Variants in SLC2A13 observed in about 807,000 individuals in gnomAD.
SLC2A13 encodes the protein solute carrier family 2 member 13.
A neutral mutation model predicts 64.4 loss-of-function variants in SLC2A13; 32 were observed. That is an observed-to-expected ratio of 0.50 (90% CI 0.37 to 0.67). The LOEUF is 0.67. Ranked by LOEUF, SLC2A13 falls within the 30% of genes least tolerant of loss-of-function variation. The pLI is 0.00. For synonymous variants in SLC2A13, 338 were observed against 327.1 expected, an observed-to-expected ratio of 1.03 and a Z score of -0.36; for missense variants, 743 against 829.2, an observed-to-expected ratio of 0.90 and a Z score of 1.28.
chr12:39,840,717 ATAT>A (rs778485917), intron 6 of SLC2A13, among the ~76,000 whole-genome samples: 15 of 151,996 alleles, frequency 9.9e-5, no homozygotes, highest in Non-Finnish European at 1.9e-4. Flanking sequence ...CAAAACGCTC[ATAT>A]TATTATCATG....
intron 4 of SLC2A13, among the ~76,000 whole-genome samples, chr12:39,909,988 T>C (rs919379577): frequency 8.6e-5 from 13 of 151,924 alleles, no homozygotes; most frequent in African/African-American, 3.1e-4. Flanking sequence ...AAATCATAGA[T>C]ATCTTTTTTA....
At chr12:40,033,990 C>T (rs1241368879) in intron 2 of SLC2A13, among the ~76,000 whole-genome samples, 1 of 152,096 alleles carries the variant, frequency 6.6e-6, no homozygotes, top group African/African-American at 2.4e-5. Context: ...TTCCCTTCTC[C>T]CCTATGTTCC....
intron 1 of SLC2A13, among the ~76,000 whole-genome samples, chr12:40,067,364 G>A (rs992214272): frequency 6.6e-6 from 1 of 152,034 alleles, no homozygotes; most frequent in East Asian, 1.9e-4. Context: ...ACCACGCCTG[G>A]CTAATTTTTT....
intron 1 of SLC2A13, among the ~76,000 whole-genome samples, chr12:40,101,767 CT>C (rs1202583425): frequency 1.3e-5 from 2 of 152,132 alleles, no homozygotes; most frequent in East Asian, 1.9e-4. Context: ...TTTACACCAG[CT>C]ATTAACTCCA....
At chr12:40,078,889 A>G (rs952714772) in intron 1 of SLC2A13, among the ~76,000 whole-genome samples, 1 of 151,818 alleles carries the variant, frequency 6.6e-6, no homozygotes, top group Non-Finnish European at 1.5e-5. Context: ...GAATTTATCT[A>G]TTTTCTCTAG....
chr12:40,031,216 C>T (rs1467760702), intron 2 of SLC2A13, among the ~76,000 whole-genome samples: 1 of 151,952 alleles, frequency 6.6e-6, no homozygotes, highest in Non-Finnish European at 1.5e-5. Flanking sequence ...TTACTTACAC[C>T]ATTTTATTTA....
At chr12:39,960,496 C>T (rs1481091991) in intron 3 of SLC2A13, among the ~76,000 whole-genome samples, 2 of 152,062 alleles carry the variant, frequency 1.3e-5, no homozygotes, top group Non-Finnish European at 2.9e-5. Flanking sequence ...TCTCCTGCCT[C>T]GGCCTCCTGA....
intron 1 of SLC2A13, among the ~76,000 whole-genome samples, chr12:40,069,565 A>C (rs1413609513): frequency 4.6e-5 from 7 of 152,114 alleles, no homozygotes; most frequent in Admixed American, 4.6e-4. Context: ...GCAACTGCTA[A>C]ATTACCAGCA....
At position 40,101,098 on chromosome 12, in the gene SLC2A13, C is replaced by T. The variant is rs147768781; in HGVS notation, c.556+4155G>A. The stretch of plus-strand genomic sequence containing the variant: ...TTCAGATGGTCATGGTAGCAGGCAG[C>T]GACAATGGAGAAAGTCTAGTGTCAG... On this transcript the variant is annotated intron_variant, in intron 1 of 9. Transcript: ENST00000280871. Among the ~76,000 whole-genome samples the T allele has an allele frequency of 9.2e-4, 139 of 151,058 alleles. 2 individuals carry two copies. Among genetic ancestry groups the T allele is most frequent in the African/African-American group, 3.3e-3 (135 of 41,062 alleles).
chr12:40,064,118 AC>A (rs1408212382), intron 1 of SLC2A13, among the ~76,000 whole-genome samples: 1 of 152,018 alleles, frequency 6.6e-6, no homozygotes, highest in African/African-American at 2.4e-5. Flanking sequence ...AGTGGGGCAC[AC>A]CTGTGATCCC....
chr12:39,869,757 A>C (rs1009119641), intron 5 of SLC2A13, among the ~76,000 whole-genome samples: 2 of 152,214 alleles, frequency 1.3e-5, no homozygotes, highest in Non-Finnish European at 2.9e-5. Flanking sequence ...AGAGTTCAGG[A>C]AGATTCCTAG....
chr12:39,959,260 G>C (rs905040237), intron 3 of SLC2A13, among the ~76,000 whole-genome samples: 1 of 152,170 alleles, frequency 6.6e-6, no homozygotes, highest in Non-Finnish European at 1.5e-5. Flanking sequence ...TGTTCTGCTT[G>C]AAAGAATGGA....
chr12:40,031,057 C>A (rs1444573091), intron 2 of SLC2A13, among the ~76,000 whole-genome samples: 1 of 152,100 alleles, frequency 6.6e-6, no homozygotes, highest in African/African-American at 2.4e-5. Context: ...AATTACCTTT[C>A]ACGATGAAAA....
chr12:39,873,958 A>G (rs1250207037), intron 4 of SLC2A13, among the ~76,000 whole-genome samples: 1 of 152,210 alleles, frequency 6.6e-6, no homozygotes, highest in African/African-American at 2.4e-5. Context: ...TACCTAGTGT[A>G]TAAGCTATGT....
chr12:40,003,978 A>T (rs1032642705), intron 3 of SLC2A13, among the ~76,000 whole-genome samples: 1 of 151,882 alleles, frequency 6.6e-6, no homozygotes, highest in Non-Finnish European at 1.5e-5. Context: ...GGGCAATGAG[A>T]GCAAAACTCC....
At position 39,826,273 on chromosome 12, in the gene SLC2A13, T is replaced by G. The variant is rs112198964; in HGVS notation, c.1445+3830A>C. Reference sequence around the variant, plus strand: ...GCTTGTTTTTGTTTTTTTGACTTAGTACTTATCTAATTTTTTCTTTCCTCT... The same window carrying G: ...GCTTGTTTTTGTTTTTTTGACTTAGGACTTATCTAATTTTTTCTTTCCTCT... On this transcript the variant is annotated intron_variant, in intron 7 of 9. Transcript: ENST00000280871. 1.9e-3 allele frequency among the ~76,000 whole-genome samples: 290 copies of G among 152,138 alleles called. 2 individuals carry two copies. The highest frequency in any genetic ancestry group is 6.6e-3 in the African/African-American group (273 of 41,550).
In SLC2A13 at chr12:40,067,298, C is replaced by G. The variant is rs528749255; in HGVS notation, c.557-19088G>C. Reference sequence around the variant, plus strand: ...GTCACTGCAGCCTTGAACCCCTGGGCTCAAGTGATCCTCCCACCTCAGCCT... The same window carrying G: ...GTCACTGCAGCCTTGAACCCCTGGGGTCAAGTGATCCTCCCACCTCAGCCT... On this transcript the variant is annotated intron_variant, in intron 1 of 9. Coordinates refer to ENST00000280871, the MANE Select transcript of SLC2A13 (RefSeq NM_052885.4). 5.3e-5 allele frequency among the ~76,000 whole-genome samples: 8 copies of G among 152,286 alleles called. No homozygotes were observed. In the South Asian group the frequency reaches 1.7e-3, roughly 32 times the overall value.
intron 3 of SLC2A13, among the ~76,000 whole-genome samples, chr12:39,974,795 A>G (rs1024320616): frequency 6.6e-6 from 1 of 152,244 alleles, no homozygotes; most frequent in African/African-American, 2.4e-5. Context: ...ATTTTGCAAT[A>G]TAATTCTCCT....
intron 1 of SLC2A13, among the ~76,000 whole-genome samples, chr12:40,073,238 C>T (rs1050302378): frequency 6.6e-6 from 1 of 151,924 alleles, no homozygotes; most frequent in Non-Finnish European, 1.5e-5. Flanking sequence ...CATGCACATA[C>T]AAGCACATGT....
Sources: gnomAD v4.1 joint callset for allele counts (sites outside exome capture counted in the v4.1 genomes callset) on GRCh38, gnomAD v4.1.1 for gene constraint, MANE v1.5 for transcripts, NCBI Gene and HGNC (gene_info 2026-07-23, HGNC 2026-07-21) for gene names.